Variants in NUP88 observed in about 807,000 individuals in gnomAD.
The protein encoded by NUP88 is nucleoporin 88.
NUP88 carries 57 observed loss-of-function variants against 93.9 expected under a neutral mutation model. The ratio of observed to expected loss-of-function variants is 0.61; its 90% CI spans 0.49 to 0.76. The LOEUF (loss-of-function observed/expected upper bound fraction) is 0.76. Among genes scored for constraint, NUP88 ranks in the 30% least tolerant of loss-of-function variants. The pLI is 0.00. For missense variants in NUP88, 911 were observed against 901.0 expected (o/e 1.01, Z -0.14); for synonymous variants, 346 against 336.8 (o/e 1.03, Z -0.30).
At chr17:5,406,229 TGA>T (rs1913480781) in intron 5 of NUP88, among the ~76,000 whole-genome samples, 3 of 151,988 alleles carry the variant, frequency 2.0e-5, no homozygotes, top group Admixed American at 2.0e-4. Context: ...ATGAGAAAAA[TGA>T]GAAAGAATGA....
In NUP88 at chr17:5,419,452, C is replaced by G; in HGVS notation, c.199G>C (p.Glu67Gln). Residue 67 changes from glutamate to glutamine, a missense_variant, in exon 1 of 17, where the codon GAG becomes CAG. Glu to Gln is a conservative substitution (Grantham distance 29, BLOSUM62 2). Coordinates refer to ENST00000573584, the MANE Select transcript of NUP88 (RefSeq NM_002532.6). Reference sequence around the variant, plus strand: ...TCTTCTCCGTCCCACAGGAAAAGCTCTCCGCCGAGGCCAAAGACCACGTTT... The same window carrying G: ...TCTTCTCCGTCCCACAGGAAAAGCTGTCCGCCGAGGCCAAAGACCACGTTT... ...TRNVVFGLGG[E>Q]LFLWDGEDSS... The G allele has an allele frequency of 6.2e-7, 1 of 1,614,028 alleles. No individual in the cohort carries two copies. The highest frequency in any genetic ancestry group is 8.5e-7 in the Non-Finnish European group (1 of 1,179,982).
intron 5 of NUP88, among the ~76,000 whole-genome samples, chr17:5,407,988 A>G (rs994960613): frequency 6.7e-6 from 1 of 150,246 alleles, no homozygotes; most frequent in African/African-American, 2.5e-5. Flanking sequence ...CTACTACCCT[A>G]TTCCTACAGA....
intron 13 of NUP88, 51 bp downstream of exon 13, chr17:5,387,546 GTGAGAATA>G: frequency 6.3e-7 from 1 of 1,591,794 alleles, no homozygotes; most frequent in Non-Finnish European, 8.6e-7. Flanking sequence ...GCATCTTAGG[GTGAGAATA>G]TGGTTCCAGT....
In NUP88 at chr17:5,419,615, C is replaced by T; in HGVS notation, c.36G>A (p.Glu12=). Residue 12 remains glutamate, a synonymous_variant, in exon 1 of 17, where the codon GAG becomes GAA. Coordinates refer to ENST00000573584, the MANE Select transcript of NUP88 (RefSeq NM_002532.6). ...AAAEGPVGDG[E]LWQTWLPNHV... is the part of the protein sequence containing the mutation. ...GGTTAGGAAGCCAGGTCTGCCACAG[C>T]TCGCCGTCGCCCACCGGTCCCTCGG... is the stretch of plus-strand genomic sequence containing the variant. 2 of 1,597,638 alleles carry T rather than the reference C, an allele frequency of 1.3e-6. No individual in the cohort carries two copies. Among genetic ancestry groups the T allele is most frequent in the African/African-American group, 1.3e-5 (1 of 74,780 alleles).
chr17:5,419,394 G>C lies in NUP88; in HGVS notation c.257C>G (p.Pro86Arg). Residue 86 changes from proline to arginine, a missense_variant, in exon 1 of 17, where the codon CCC (proline) becomes CGC (arginine). By Grantham distance (103) the Pro-to-Arg change is moderately radical. Coordinates refer to ENST00000573584, the MANE Select transcript of NUP88 (RefSeq NM_002532.6). Reference sequence around the variant, plus strand: ...GGCGGGCTCTTCGCCGCCGCCGCTGGGGCCCCGAAGGCGAACGACTAAGAA... The same window carrying C: ...GGCGGGCTCTTCGCCGCCGCCGCTGCGGCCCCGAAGGCGAACGACTAAGAA... Reference protein sequence around the residue: ...SSFLVVRLRGPSGGGEEPALS... With the variant: ...SSFLVVRLRGRSGGGEEPALS... 6.2e-7 allele frequency: 1 copy of C among 1,606,836 alleles called. No individual in the cohort carries two copies. Among genetic ancestry groups the C allele is most frequent in the Non-Finnish European group, 8.5e-7 (1 of 1,176,676 alleles).
chr17:5,389,859 ATGATC>A (rs1034468015), intron 10 of NUP88, among the ~76,000 whole-genome samples: 2 of 150,588 alleles, frequency 1.3e-5, no homozygotes, highest in South Asian at 4.2e-4. Flanking sequence ...TGGCAGAAAT[ATGATC>A]TGAAAGTATC....
chr17:5,386,604 A>C, intron 16 of NUP88, 104 bp downstream of exon 16: 2 of 812,876 alleles, frequency 2.5e-6, no homozygotes, highest in Admixed American at 3.8e-5. Flanking sequence ...ATTACTTGAC[A>C]TGCAAATACC....
chr17:5,386,187 GAGTC>G lies in NUP88; in HGVS notation c.*15_*18del, dbSNP rs1567562202. 1 of 1,601,288 alleles carries G rather than the reference GAGTC, an allele frequency of 6.2e-7. No homozygotes were observed. Among genetic ancestry groups the G allele is most frequent in the Non-Finnish European group, 8.5e-7 (1 of 1,170,056 alleles). On this transcript the variant is annotated 3_prime_UTR_variant, in exon 17 of 17. Transcript: ENST00000573584. ...CTTCAATGGTGTTCAGTTCAGGTGT[GAGTC>G]AGCTCCTGGTGGTGTCAGAAGTTTA...
intron 6 of NUP88, 52 bp downstream of exon 6, chr17:5,405,004 AG>A: frequency 6.8e-7 from 1 of 1,479,440 alleles, no homozygotes; most frequent in Non-Finnish European, 9.3e-7. Context: ...ATATTGGGTC[AG>A]GAACTATGCC....
At chr17:5,417,607 G>A (rs1311323198) in intron 1 of NUP88, among the ~76,000 whole-genome samples, 1 of 152,226 alleles carries the variant, frequency 6.6e-6, no homozygotes, top group African/African-American at 2.4e-5. Context: ...GGGAGGCCAA[G>A]ACGGGTGGAT....
intron 7 of NUP88, among the ~76,000 whole-genome samples, chr17:5,401,872 A>T (rs924506380): frequency 6.6e-6 from 1 of 152,252 alleles, no homozygotes; most frequent in Admixed American, 6.5e-5. Context: ...GAAATTTGTT[A>T]GATACCACCC....
In NUP88 at chr17:5,398,203, G is replaced by A. The variant is rs139037854; in HGVS notation, c.1291+1349C>T. On this transcript the variant is annotated intron_variant, in intron 8 of 16. Transcript: ENST00000573584. ...TAGGCGTAGGCCACTGCACCTGACC[G>A]GTATTAATTCTTTAAATGTGAATCC... Among the ~76,000 whole-genome samples the A allele has an allele frequency of 6.3e-3, 961 of 151,508 alleles. 7 individuals are homozygous for A. The highest frequency in any genetic ancestry group is 0.022 in the African/African-American group (897 of 41,320).
chr17:5,414,152 A>G lies in NUP88; in HGVS notation c.468-18T>C. ...GAGTGGTACTAAAATAAAGATAATA[A>G]TTTTCCAAAACATTTTGTACAACTT... On this transcript the variant is annotated intron_variant, in intron 2 of 16. Coordinates refer to ENST00000573584, the MANE Select transcript of NUP88 (RefSeq NM_002532.6). The G allele has an allele frequency of 6.2e-7, 1 of 1,606,724 alleles. No homozygotes were observed. Among genetic ancestry groups the G allele is most frequent in the South Asian group, 1.1e-5 (1 of 89,706 alleles).
chr17:5,387,191 A>C (rs1912056084), intron 14 of NUP88, 81 bp from the exon 15 acceptor site: 1 of 1,512,862 alleles, frequency 6.6e-7, no homozygotes, highest in East Asian at 2.3e-5. Flanking sequence ...ATAATTCATG[A>C]ATCTGGTGTT....
chr17:5,414,875 C>T (rs1405352059), intron 2 of NUP88, among the ~76,000 whole-genome samples: 3 of 151,898 alleles, frequency 2.0e-5, no homozygotes, highest in South Asian at 2.1e-4. Flanking sequence ...TGAGCTTGTG[C>T]CACTGCACTC....
At chr17:5,406,065 G>C (rs1372628010) in intron 5 of NUP88, among the ~76,000 whole-genome samples, 1 of 152,188 alleles carries the variant, frequency 6.6e-6, no homozygotes, top group Non-Finnish European at 1.5e-5. Flanking sequence ...TTGAGTGCTA[G>C]ATGATACTCC....
chr17:5,418,858 C>G lies in NUP88; in HGVS notation c.297+496G>C, dbSNP rs536902609. ...CTGTCGGCTAATCAAAAACAAAAAT[C>G]CCCATTTTGGGTATGGCTTTATTTT... On this transcript the variant is annotated intron_variant, in intron 1 of 16. Transcript: ENST00000573584. Among the ~76,000 whole-genome samples the G allele has an allele frequency of 5.3e-5, 8 of 152,272 alleles. 1 individual carries two copies. In the East Asian group the frequency reaches 1.5e-3, roughly 29 times the overall value.
rs1435781500 is a variant in NUP88 at position 5,385,200 on chromosome 17, G to C, written c.*1006C>G. On this transcript the variant is annotated 3_prime_UTR_variant, in exon 17 of 17. Coordinates refer to ENST00000573584, the MANE Select transcript of NUP88 (RefSeq NM_002532.6). ...AGTTTTGTTTAGCAATGTGTTTCTG[G>C]TATGAAACAAACTACTGTGTCACTG... 4.4e-6 allele frequency: 1 copy of C among 229,862 alleles called. No homozygotes were observed. The highest frequency in any genetic ancestry group is 8.6e-6 in the Non-Finnish European group (1 of 116,058). The allele number at this position is 229,862 out of a possible 1,614,324, so 14.2% of individuals were successfully genotyped here. A position where few individuals can be genotyped will look rare whatever the true frequency, so the allele number is the denominator to read the frequency against.
chr17:5,399,170 C>T (rs979712975), intron 8 of NUP88, among the ~76,000 whole-genome samples: 3 of 147,186 alleles, frequency 2.0e-5, no homozygotes, highest in Non-Finnish European at 4.5e-5. Flanking sequence ...CGACTACAGG[C>T]GTGAGCCACC....
Sources: allele counts gnomAD v4.1 joint callset (sites outside exome capture counted in the v4.1 genomes callset), GRCh38; gene constraint gnomAD v4.1.1; transcripts MANE v1.5; gene names NCBI Gene and HGNC (gene_info 2026-07-23, HGNC 2026-07-21).